Variants in RORA observed in about 807,000 individuals in gnomAD.
RORA encodes the protein nuclear receptor ROR-alpha.
RORA carries 7 observed loss-of-function variants against 69.5 expected under a neutral mutation model. The observed-to-expected ratio is 0.10, with a 90% CI of 0.06 to 0.19. The LOEUF is 0.19. RORA is among the 10% of genes least tolerant of loss of function. RORA has a pLI of 1.00. For missense variants in RORA, 457 were observed against 663.0 expected (o/e 0.69, Z 3.41); for synonymous variants, 261 against 240.8 (o/e 1.08, Z -0.78).
intron 1 of RORA, among the ~76,000 whole-genome samples, chr15:60,923,870 T>C (rs545604246): frequency 6.6e-6 from 1 of 152,298 alleles, no homozygotes; most frequent in South Asian, 2.1e-4. Flanking sequence ...TTCTGCTAAG[T>C]TGTGCTGGAA....
chr15:61,212,196 G>A (rs2079998798), intron 1 of RORA, among the ~76,000 whole-genome samples: 1 of 151,858 alleles, frequency 6.6e-6, no homozygotes, highest in Non-Finnish European at 1.5e-5. Flanking sequence ...GGGGCAGATT[G>A]CCTTTAGAGA....
rs747143926 is a variant in RORA, at chr15:60,491,606, C to T, written c.*5849G>A. 6.6e-6 allele frequency: 1 copy of T among 151,124 alleles called. No homozygotes were observed. Among genetic ancestry groups the T allele is most frequent in the Non-Finnish European group, 1.5e-5 (1 of 67,808 alleles). The allele number at this position is 151,124 out of a possible 1,614,324, so 9.4% of individuals were successfully genotyped here. A position where few individuals can be genotyped will look rare whatever the true frequency, so the allele number is the denominator to read the frequency against. On this transcript the variant is annotated 3_prime_UTR_variant, in exon 11 of 11. Coordinates refer to ENST00000335670, the MANE Select transcript of RORA (RefSeq NM_134261.3). ...TCTAAGTTCTGAGGGTTTGGTTGAACATGGAGATCCCCCCCGCCCATCTAG... is the reference window on the plus strand; with the variant it reads ...TCTAAGTTCTGAGGGTTTGGTTGAATATGGAGATCCCCCCCGCCCATCTAG...
intron 1 of RORA, among the ~76,000 whole-genome samples, chr15:61,138,676 A>G (rs1224325581): frequency 6.6e-6 from 1 of 152,130 alleles, no homozygotes. Flanking sequence ...TTTCCTGCAC[A>G]GTCTAGGCTG....
chr15:60,637,398 T>C (rs560115638), intron 2 of RORA, among the ~76,000 whole-genome samples: 1 of 152,264 alleles, frequency 6.6e-6, no homozygotes, highest in Admixed American at 6.5e-5. Flanking sequence ...TTTTTGCTGA[T>C]TGTTTATGAT....
At chr15:60,751,777 G>T (rs1229817351) in intron 1 of RORA, among the ~76,000 whole-genome samples, 1 of 152,162 alleles carries the variant, frequency 6.6e-6, no homozygotes, top group Non-Finnish European at 1.5e-5. Flanking sequence ...CTCAGAAACA[G>T]TAAACAATCT....
At chr15:61,207,109 C>T (rs1365372921) in intron 1 of RORA, among the ~76,000 whole-genome samples, 1 of 151,892 alleles carries the variant, frequency 6.6e-6, no homozygotes, top group African/African-American at 2.4e-5. Context: ...TGCATATAGA[C>T]ACATATGTAT....
intron 1 of RORA, among the ~76,000 whole-genome samples, chr15:61,021,038 G>A (rs1305946022): frequency 6.6e-6 from 1 of 152,182 alleles, no homozygotes. Context: ...ACAAGGTCAG[G>A]GATCCGGGCC....
chr15:61,045,759 C>T (rs1490914199), intron 1 of RORA, among the ~76,000 whole-genome samples: 1 of 152,234 alleles, frequency 6.6e-6, no homozygotes, highest in Non-Finnish European at 1.5e-5. Context: ...AGGGACTGGC[C>T]TACATCCCTA....
chr15:60,629,335 C>T (rs1233902450), intron 2 of RORA, among the ~76,000 whole-genome samples: 5 of 151,954 alleles, frequency 3.3e-5, no homozygotes, highest in African/African-American at 4.8e-5. Context: ...TATAGGCATG[C>T]ACCACCACGC....
At chr15:60,573,261 G>A (rs893965185) in intron 2 of RORA, among the ~76,000 whole-genome samples, 2 of 152,088 alleles carry the variant, frequency 1.3e-5, no homozygotes, top group Non-Finnish European at 2.9e-5. Context: ...TCATCTTAGC[G>A]ACATCATAAT....
intron 1 of RORA, among the ~76,000 whole-genome samples, chr15:60,888,629 C>T (rs2073778135): frequency 6.6e-6 from 1 of 152,218 alleles, no homozygotes; most frequent in African/African-American, 2.4e-5. Flanking sequence ...CTACACATGG[C>T]ATTTCTGGGC....
At chr15:60,663,652 A>G (rs2070337515) in intron 2 of RORA, among the ~76,000 whole-genome samples, 1 of 152,186 alleles carries the variant, frequency 6.6e-6, no homozygotes. Context: ...ATGGGGTTTC[A>G]CCATGTTGGT....
At chr15:60,912,231 CA>C (rs1284427973) in intron 1 of RORA, among the ~76,000 whole-genome samples, 2 of 149,774 alleles carry the variant, frequency 1.3e-5, no homozygotes, top group African/African-American at 4.9e-5. Flanking sequence ...GGCAACATGG[CA>C]AAACCCTGCC....
In RORA at chr15:60,537,758, T is replaced by C. The variant is rs1220302341; in HGVS notation, c.197-5907A>G. The stretch of plus-strand genomic sequence containing the variant: ...ATTTTAAATATAACACTAATATGTT[T>C]CCCTAGTACATTATTTTCTTCTCTT... On this transcript the variant is annotated intron_variant, in intron 2 of 10. Coordinates refer to ENST00000335670, the MANE Select transcript of RORA (RefSeq NM_134261.3). This position sits in a 1 kb window ranked among gnomAD's most constrained non-coding sequence, Gnocchi z 4.9. Among the ~76,000 whole-genome samples the C allele has an allele frequency of 6.6e-6, 1 of 152,238 alleles. No individual in the cohort carries two copies. The highest frequency in any genetic ancestry group is 1.5e-5 in the Non-Finnish European group (1 of 68,050).
chr15:60,886,136 A>G (rs973753476), intron 1 of RORA, among the ~76,000 whole-genome samples: 1 of 152,246 alleles, frequency 6.6e-6, no homozygotes, highest in African/African-American at 2.4e-5. Context: ...AGTAGCCGAG[A>G]AATTGTTATA....
At chr15:60,650,598 C>T (rs1483049139) in intron 2 of RORA, 1 of 152,110 alleles carries the variant, frequency 6.6e-6, no homozygotes, top group East Asian at 1.9e-4. Flanking sequence ...TGTGAACATT[C>T]ATATAGGGAG....
chr15:61,110,153 C>T (rs1281604366), intron 1 of RORA, among the ~76,000 whole-genome samples: 1 of 152,190 alleles, frequency 6.6e-6, no homozygotes, highest in Non-Finnish European at 1.5e-5. Flanking sequence ...AATCCCACCA[C>T]TTTGGGAGGC....
chr15:60,887,495 G>T (rs930840230), intron 1 of RORA, among the ~76,000 whole-genome samples: 1 of 152,162 alleles, frequency 6.6e-6, no homozygotes, highest in Admixed American at 6.5e-5. Context: ...ATAGACAAGA[G>T]CAGAGGAGCA....
At chr15:60,727,597 G>A (rs542996572) in intron 1 of RORA, among the ~76,000 whole-genome samples, 4 of 152,204 alleles carry the variant, frequency 2.6e-5, no homozygotes, top group African/African-American at 9.6e-5. Flanking sequence ...AGATTTCAGG[G>A]GTCCCAGGGT....
Sources: gnomAD v4.1 joint callset for allele counts (sites outside exome capture counted in the v4.1 genomes callset) on GRCh38, gnomAD v4.1.1 for gene constraint, Gnocchi (gnomAD v3.1) non-coding constraint, MANE v1.5 for transcripts, NCBI Gene and HGNC (gene_info 2026-07-23, HGNC 2026-07-21) for gene names.